RBFOX1: variants seen among roughly 807,000 people sequenced by gnomAD.
The protein encoded by RBFOX1 is RNA binding fox-1 homolog 1.
In RBFOX1, 8 loss-of-function variants were observed where a neutral mutation model predicts 57.7. The observed-to-expected ratio is 0.14, with a 90% CI of 0.08 to 0.25. The LOEUF is 0.25. RBFOX1 is among the 10% of genes least tolerant of loss of function. RBFOX1 has a pLI of 1.00. For synonymous variants in RBFOX1, 326 were observed against 222.4 expected (o/e 1.47, Z -4.15); for missense variants, 611 against 548.5 (o/e 1.11, Z -1.14).
chr16:6,522,875 T>G lies in RBFOX1; in HGVS notation c.-63-131728T>G, dbSNP rs548367241. On this transcript the variant is annotated intron_variant, in intron 2 of 15. Transcript: ENST00000550418. ...CAAACTTCTCTCTCTAGCCACACTC[T>G]TTGTTTCTCTTCCTTGATCCCACCT... Among the ~76,000 whole-genome samples the G allele has an allele frequency of 1.9e-3, 286 of 152,280 alleles. 1 individual carries two copies. Among genetic ancestry groups the G allele is most frequent in the African/African-American group, 6.4e-3 (266 of 41,558 alleles).
chr16:7,018,112 T>C (rs1254946023), intron 3 of RBFOX1, among the ~76,000 whole-genome samples: 2 of 152,196 alleles, frequency 1.3e-5, no homozygotes, highest in East Asian at 3.9e-4. Context: ...GTGGAGCATC[T>C]AGGTCTTAGG....
chr16:6,652,707 G>C (rs747403331), intron 2 of RBFOX1, among the ~76,000 whole-genome samples: 1 of 152,106 alleles, frequency 6.6e-6, no homozygotes, highest in African/African-American at 2.4e-5. Flanking sequence ...GAGGAGTCTA[G>C]AGTAGCAAAA....
At chr16:5,732,748 A>T (rs56096739) in intron 3 of RBFOX1, among the ~76,000 whole-genome samples, 5 of 152,176 alleles carry the variant, frequency 3.3e-5, no homozygotes, top group African/African-American at 1.2e-4. Context: ...CTTAAGTGTG[A>T]GATTCTCCCA....
chr16:6,939,786 A>G (rs1223085765), intron 3 of RBFOX1, among the ~76,000 whole-genome samples: 3 of 152,150 alleles, frequency 2.0e-5, no homozygotes, highest in Admixed American at 2.0e-4. Flanking sequence ...TGCTGGGATT[A>G]CAGATGTCAG....
rs1567693291 is a variant in RBFOX1 at position 6,562,851 on chromosome 16, TC to T, written c.-63-91751del. 2.8e-3 allele frequency among the ~76,000 whole-genome samples: 142 copies of T among 50,554 alleles called. 3 individuals carry two copies. The highest frequency in any genetic ancestry group is 0.017 in the African/African-American group (139 of 8,068). The allele number at this position is 50,554 out of a possible 152,430, so 33.2% of individuals were successfully genotyped here. A position where few individuals can be genotyped will look rare whatever the true frequency, so the allele number is the denominator to read the frequency against. ...TGATTCTTTTCTTTCTTTCTTTCTT[TC>T]TTTCTTTCTTTCTTTCTTTCTTTCT... On this transcript the variant is annotated intron_variant, in intron 2 of 15. Transcript: ENST00000550418.
chr16:6,680,827 C>G (rs1047643002), intron 3 of RBFOX1, among the ~76,000 whole-genome samples: 1 of 152,146 alleles, frequency 6.6e-6, no homozygotes, highest in Non-Finnish European at 1.5e-5. Flanking sequence ...ATATTAAAAG[C>G]TTCTTGGTTA....
intron 3 of RBFOX1, among the ~76,000 whole-genome samples, chr16:5,801,341 C>T (rs1331585781): frequency 2.1e-5 from 3 of 143,384 alleles, no homozygotes; most frequent in African/African-American, 2.6e-5. Context: ...CTCCCTCTCT[C>T]TTTTTTTTTT....
At chr16:6,285,263 G>A (rs1427368872) in intron 1 of RBFOX1, among the ~76,000 whole-genome samples, 1 of 152,082 alleles carries the variant, frequency 6.6e-6, no homozygotes, top group African/African-American at 2.4e-5. Flanking sequence ...TTCTGCATAA[G>A]CCTCCATGAC....
intron 3 of RBFOX1, among the ~76,000 whole-genome samples, chr16:6,769,075 C>T (rs764558555): frequency 1.8e-4 from 27 of 152,142 alleles, no homozygotes; most frequent in Non-Finnish European, 3.7e-4. Flanking sequence ...TGGCTGTGTC[C>T]CCACCCAAAT....
intron 3 of RBFOX1, among the ~76,000 whole-genome samples, chr16:6,900,560 T>C (rs2153408595): frequency 6.6e-6 from 1 of 152,314 alleles, no homozygotes; most frequent in Non-Finnish European, 1.5e-5. Flanking sequence ...CCTTACTCAT[T>C]ATTTCAGAGC....
At chr16:6,623,264 T>A (rs993686744) in intron 2 of RBFOX1, among the ~76,000 whole-genome samples, 1 of 152,086 alleles carries the variant, frequency 6.6e-6, no homozygotes, top group African/African-American at 2.4e-5. Context: ...AAGACAGAGC[T>A]AACCTGGAAT....
intron 3 of RBFOX1, among the ~76,000 whole-genome samples, chr16:6,698,960 G>A (rs1393239559): frequency 2.0e-5 from 3 of 152,154 alleles, no homozygotes; most frequent in African/African-American, 7.2e-5. Context: ...TAGAACAAGG[G>A]GTGATGATTG....
At chr16:7,371,353 G>A (rs567615392) in intron 4 of RBFOX1, among the ~76,000 whole-genome samples, 1 of 152,178 alleles carries the variant, frequency 6.6e-6, no homozygotes, top group Middle Eastern at 3.4e-3. Context: ...TGCTAGTAAC[G>A]GAAGACGGGA....
At chr16:7,363,129 T>C (rs566003815) in intron 4 of RBFOX1, among the ~76,000 whole-genome samples, 47 of 152,252 alleles carry the variant, frequency 3.1e-4, no homozygotes, top group Non-Finnish European at 5.4e-4. Flanking sequence ...CTGTGACTGC[T>C]GGGGCTGTTG....
At chr16:6,860,635 C>T (rs1603633446) in intron 3 of RBFOX1, among the ~76,000 whole-genome samples, 1 of 152,116 alleles carries the variant, frequency 6.6e-6, no homozygotes, top group African/African-American at 2.4e-5. Flanking sequence ...AACAATCAAC[C>T]AGACATTAAT....
chr16:5,825,206 T>C (rs1395877295), intron 3 of RBFOX1, among the ~76,000 whole-genome samples: 1 of 152,244 alleles, frequency 6.6e-6, no homozygotes, highest in Non-Finnish European at 1.5e-5. Flanking sequence ...CAAGCGTTGC[T>C]TAACTTCTTC....
In RBFOX1 at chr16:5,317,687, A is replaced by G. The variant is rs79613910; in HGVS notation, c.219+77582A>G. On this transcript the variant is annotated intron_variant, in intron 1 of 2. Transcript: ENST00000585867. ...AAAGTGCCTCATTCAGTGCCTGACA[A>G]TTACTCAAGAAATGTTTGTTTTCTT... is the stretch of plus-strand genomic sequence containing the variant. 4.2e-3 allele frequency among the ~76,000 whole-genome samples: 645 copies of G among 152,314 alleles called. 6 individuals carry two copies. Among genetic ancestry groups the G allele is most frequent in the African/African-American group, 0.015 (613 of 41,584 alleles).
chr16:6,567,808 A>AT (rs915591294), intron 2 of RBFOX1, among the ~76,000 whole-genome samples: 6 of 151,994 alleles, frequency 3.9e-5, no homozygotes, highest in Non-Finnish European at 5.9e-5. Context: ...AAACCCCACT[A>AT]TTTTTTTAAA....
chr16:5,954,448 A>C (rs1005211852), intron 4 of RBFOX1, among the ~76,000 whole-genome samples: 39 of 152,140 alleles, frequency 2.6e-4, no homozygotes, highest in African/African-American at 9.2e-4. Context: ...GATCTCGGTG[A>C]AGGTACAAAA....
Sources: gnomAD v4.1 joint callset for allele counts (sites outside exome capture counted in the v4.1 genomes callset) on GRCh38, gnomAD v4.1.1 for gene constraint, MANE v1.5 for transcripts, NCBI Gene and HGNC (gene_info 2026-07-23, HGNC 2026-07-21) for gene names.